OXNAD1: variants seen among roughly 807,000 people sequenced by gnomAD.
OXNAD1 encodes oxidoreductase NAD-binding domain-containing protein 1.
In OXNAD1, 34 loss-of-function variants were observed where a neutral mutation model predicts 32.9. The observed-to-expected ratio is 1.03, with a 90% CI of 0.79 to 1.38. OXNAD1 has a LOEUF of 1.38. OXNAD1 is among the 40% of genes most tolerant of loss of function. The pLI, the probability that OXNAD1 is intolerant of heterozygous loss-of-function variation, is 0.00. For missense variants in OXNAD1, 407 were observed against 379.4 expected (o/e 1.07, Z -0.60); for synonymous variants, 134 against 135.2 (o/e 0.99, Z 0.06).
At chr3:16,313,204 G>GGTTTTTTTTTTTTTTT (rs2068092292) in intron 9 of OXNAD1, among the ~76,000 whole-genome samples, 1 of 96,172 alleles carries the variant, frequency 1.0e-5, no homozygotes, top group Non-Finnish European at 2.0e-5. Flanking sequence ...ACACCCAGCG[G>GGTTTTTTTTTTTTTTT]ATTTTTTTTT....
chr3:16,310,991 CAAAAAAAAAAAAA>C (rs1003070321), downstream of OXNAD1, among the ~76,000 whole-genome samples: 60 of 57,546 alleles, frequency 1.0e-3, no homozygotes, highest in Admixed American at 4.4e-3. Flanking sequence ...ACTCAGTCTC[CAAAAAAAAAAAAA>C]AAAAAAAAAA....
At chr3:16,268,455 T>C (rs1173566034) in intron 1 of OXNAD1, among the ~76,000 whole-genome samples, 1 of 149,924 alleles carries the variant, frequency 6.7e-6, no homozygotes, top group Non-Finnish European at 1.5e-5. Flanking sequence ...TCAGCCTCCT[T>C]AGTAACTGGG....
At chr3:16,269,947 G>A (rs573153215) in intron 2 of OXNAD1, among the ~76,000 whole-genome samples, 1 of 152,360 alleles carries the variant, frequency 6.6e-6, no homozygotes, top group East Asian at 1.9e-4. Context: ...ATAGGAAAAT[G>A]ATGGAAAAGG....
At chr3:16,319,515 G>A (rs907147402) in intron 9 of OXNAD1, among the ~76,000 whole-genome samples, 10 of 152,132 alleles carry the variant, frequency 6.6e-5, no homozygotes, top group Non-Finnish European at 8.8e-5. Flanking sequence ...TGTGAATAGC[G>A]CCCTCTGCTG....
rs148612893 is a variant in OXNAD1 at position 16,320,994 on chromosome 3, G to A, written c.*31-16118G>A. ...ATTAGGAGATTAGAATAGCTGAGGC[G>A]AGTGATGGTAGAGAGAAGTGGAGGG... is the stretch of plus-strand genomic sequence containing the variant. On this transcript the variant is annotated intron_variant, in intron 9 of 9. Coordinates refer to the OXNAD1 transcript ENST00000435829. The surrounding 1 kb of genome is among the most constrained non-coding windows in gnomAD (Gnocchi z 4.5). Among the ~76,000 whole-genome samples the A allele has an allele frequency of 2.4e-4, 36 of 152,348 alleles. 1 individual carries two copies. In the South Asian group the frequency reaches 2.7e-3, roughly 11 times the overall value.
chr3:16,319,602 G>T lies in OXNAD1; in HGVS notation c.*30+16010G>T, dbSNP rs76232048. Among the ~76,000 whole-genome samples the T allele has an allele frequency of 4.7e-3, 720 of 152,276 alleles. 3 individuals carry two copies. Among genetic ancestry groups the T allele is most frequent in the African/African-American group, 0.016 (673 of 41,546 alleles). ...TAATATGAGCCCAGATACTCTCTCCGGGGCTGCTCTTGCTAAATAACAGAG... is the reference window on the plus strand; with the variant it reads ...TAATATGAGCCCAGATACTCTCTCCTGGGCTGCTCTTGCTAAATAACAGAG... On this transcript the variant is annotated intron_variant, in intron 9 of 9. Transcript: ENST00000435829.
rs1202040026 is a variant in OXNAD1, at chr3:16,289,789, C to T, written c.290+3341C>T. Among the ~76,000 whole-genome samples the T allele has an allele frequency of 6.6e-6, 1 of 152,198 alleles. No homozygotes were observed. The highest frequency in any genetic ancestry group is 1.5e-5 in the Non-Finnish European group (1 of 68,028). ...TGTGAAGTCTTTCTTAATTCCTGTA[C>T]TCCTGGTAGAATTGACTCCTCCTTC... is the stretch of plus-strand genomic sequence containing the variant. On this transcript the variant is annotated intron_variant, in intron 5 of 8. Transcript: ENST00000285083. The surrounding 1 kb of genome is among the most constrained non-coding windows in gnomAD (Gnocchi z 4.9).
intron 9 of OXNAD1, among the ~76,000 whole-genome samples, chr3:16,319,116 C>T (rs1049477209): frequency 1.3e-5 from 2 of 152,178 alleles, no homozygotes; most frequent in African/African-American, 4.8e-5. Context: ...AATTCCAGCC[C>T]AAATGTAAGA....
At chr3:16,347,053 C>A (rs1159118969) in intron 9 of OXNAD1, among the ~76,000 whole-genome samples, 1 of 152,216 alleles carries the variant, frequency 6.6e-6, no homozygotes, top group Non-Finnish European at 1.5e-5. Context: ...TGACCACCAC[C>A]CTTATTCTAT....
At chr3:16,343,492 G>A (rs990514437) in intron 9 of OXNAD1, among the ~76,000 whole-genome samples, 1 of 152,080 alleles carries the variant, frequency 6.6e-6, no homozygotes, top group Non-Finnish European at 1.5e-5. Context: ...ACCATTTCCA[G>A]GTGTCTCCCG....
In OXNAD1 at chr3:16,321,971, C is replaced by CA. The variant is rs2069110951; in HGVS notation, c.*31-15140dup. 6.6e-6 allele frequency among the ~76,000 whole-genome samples: 1 copy of CA among 152,218 alleles called. No homozygotes were observed. The highest frequency in any genetic ancestry group is 2.4e-5 in the African/African-American group (1 of 41,460). On this transcript the variant is annotated intron_variant, in intron 9 of 9. Transcript: ENST00000435829. The surrounding 1 kb of genome is among the most constrained non-coding windows in gnomAD (Gnocchi z 4.8). ...CTTTGGAATCTGTGTGCCCCACCACCAGGAACCTGTTAGGCAAAGGTGGCA... is the reference window on the plus strand; with the variant it reads ...CTTTGGAATCTGTGTGCCCCACCACCAAGGAACCTGTTAGGCAAAGGTGGCA...
At chr3:16,311,467 A>G (rs890380886) in intron 9 of OXNAD1, among the ~76,000 whole-genome samples, 25 of 152,202 alleles carry the variant, frequency 1.6e-4, no homozygotes, top group Non-Finnish European at 3.5e-4. Context: ...CTTCACTTTT[A>G]GTGACTTTGT....
intron 9 of OXNAD1, chr3:16,313,617 C>A (rs980461933): frequency 6.6e-6 from 1 of 152,184 alleles, no homozygotes; most frequent in Non-Finnish European, 1.5e-5. Context: ...TTAATCCTCA[C>A]AAAAATCCAA....
rs2071872156 is a variant in OXNAD1, at chr3:16,348,324, TAGG to T, written c.*31-849_*31-847del. Among the ~76,000 whole-genome samples, 1 of 152,030 alleles carries T rather than the reference TAGG, an allele frequency of 6.6e-6. No individual in the cohort carries two copies. Among genetic ancestry groups the T allele is most frequent in the African/African-American group, 2.4e-5 (1 of 41,370 alleles). ...CACATTATCTATTATTGAAGGCATCTAGGAGATCATCCACATTATCCAATATGT... is the reference window on the plus strand; with the variant it reads ...CACATTATCTATTATTGAAGGCATCTAGATCATCCACATTATCCAATATGT... On this transcript the variant is annotated intron_variant, in intron 9 of 9. Transcript: ENST00000606098. The surrounding 1 kb of genome is among the most constrained non-coding windows in gnomAD (Gnocchi z 6.3).
At chr3:16,274,271 A>G (rs543509878) in intron 4 of OXNAD1, among the ~76,000 whole-genome samples, 9 of 152,200 alleles carry the variant, frequency 5.9e-5, no homozygotes, top group African/African-American at 1.7e-4. Context: ...AAATATAACT[A>G]TAACTACAGT....
chr3:16,296,961 G>C (rs1046681733), intron 6 of OXNAD1, among the ~76,000 whole-genome samples: 5 of 151,954 alleles, frequency 3.3e-5, no homozygotes, highest in Non-Finnish European at 5.9e-5. Context: ...AATACCAAAA[G>C]CAAGATCCAT....
rs2067179588 is a variant in OXNAD1, at chr3:16,301,514, A to G, written c.433-112A>G. 7.8e-7 allele frequency: 1 copy of G among 1,283,812 alleles called. No homozygotes were observed. Among genetic ancestry groups the G allele is most frequent in the Non-Finnish European group, 1.1e-6 (1 of 935,378 alleles). The allele number at this position is 1,283,812 out of a possible 1,614,324, so 79.5% of individuals were successfully genotyped here. A position where few individuals can be genotyped will look rare whatever the true frequency, so the allele number is the denominator to read the frequency against. On this transcript the variant is annotated intron_variant, in intron 6 of 8. Coordinates refer to ENST00000285083, the MANE Select transcript of OXNAD1 (RefSeq NM_138381.5). This position sits in a 1 kb window ranked among gnomAD's most constrained non-coding sequence, Gnocchi z 4.1. Reference sequence around the variant, plus strand: ...GGAAAATTGGGAGCAAGCTATAAAAATAGTCTTAAATACTGATAATACAGG... The same window carrying G: ...GGAAAATTGGGAGCAAGCTATAAAAGTAGTCTTAAATACTGATAATACAGG...
In OXNAD1 at chr3:16,327,522, G is replaced by A. The variant is rs890357936; in HGVS notation, c.*31-9590G>A. On this transcript the variant is annotated intron_variant, in intron 9 of 9. Transcript: ENST00000435829. The surrounding 1 kb of genome is among the most constrained non-coding windows in gnomAD (Gnocchi z 4.2). ...CGTCTGTAATCCCAGCACTTTGGGA[G>A]GCTGAGGCAGGTGGATCACATGGTC... Among the ~76,000 whole-genome samples, 1 of 152,150 alleles carries A rather than the reference G, an allele frequency of 6.6e-6. No individual in the cohort carries two copies.
rs1293060298 is a variant in OXNAD1, at chr3:16,289,434, G to A, written c.290+2986G>A. ...AGAGTGGAGGGAATTCCTGGTCCTA[G>A]TGTGTCTGACTTTCTACAAGATAAC... is the stretch of plus-strand genomic sequence containing the variant. On this transcript the variant is annotated intron_variant, in intron 5 of 8. Transcript: ENST00000285083. This position sits in a 1 kb window ranked among gnomAD's most constrained non-coding sequence, Gnocchi z 4.9. 6.6e-6 allele frequency among the ~76,000 whole-genome samples: 1 copy of A among 152,202 alleles called. No individual in the cohort carries two copies. The highest frequency in any genetic ancestry group is 1.5e-5 in the Non-Finnish European group (1 of 68,028).
Sources: gnomAD v4.1 joint callset for allele counts (sites outside exome capture counted in the v4.1 genomes callset) on GRCh38, gnomAD v4.1.1 for gene constraint, Gnocchi (gnomAD v3.1) non-coding constraint, MANE v1.5 for transcripts, NCBI Gene and HGNC (gene_info 2026-07-23, HGNC 2026-07-21) for gene names.